ITFG1: variants seen among roughly 807,000 people sequenced by gnomAD.
ITFG1 encodes the protein integrin alpha FG-GAP repeat containing 1.
In ITFG1, 34 loss-of-function variants were observed where a neutral mutation model predicts 81.8. The ratio of observed to expected loss-of-function variants is 0.42; its 90% CI spans 0.32 to 0.55. The LOEUF is 0.55. Among genes scored for constraint, ITFG1 ranks in the 20% least tolerant of loss-of-function variants. ITFG1 has a pLI of 0.17. For synonymous variants in ITFG1, 285 were observed against 270.6 expected (o/e 1.05, Z -0.52); for missense variants, 672 against 755.4 (o/e 0.89, Z 1.29).
intron 14 of ITFG1, among the ~76,000 whole-genome samples, chr16:47,215,115 T>C (rs1282199698): frequency 6.6e-6 from 1 of 152,190 alleles, no homozygotes; most frequent in African/African-American, 2.4e-5. Context: ...CAATGGGTAG[T>C]GAGTGACTCT....
At chr16:47,381,662 T>C (rs1968397731) in intron 6 of ITFG1, among the ~76,000 whole-genome samples, 1 of 152,198 alleles carries the variant, frequency 6.6e-6, no homozygotes, top group East Asian at 1.9e-4. Flanking sequence ...GGCCTAGTTA[T>C]ATTAGTGGAA....
intron 13 of ITFG1, among the ~76,000 whole-genome samples, chr16:47,222,184 G>A (rs1965699764): frequency 6.6e-6 from 1 of 151,344 alleles, no homozygotes. Flanking sequence ...ATGTTAGGGT[G>A]TCAATTTTGG....
chr16:47,459,144 C>G lies in ITFG1; in HGVS notation c.240G>C (p.Gln80His). Reference protein sequence around the residue: ...RNDLIVFLADQNAPYFKPKVK... With the variant: ...RNDLIVFLADHNAPYFKPKVK... ...CTTTGGGTTTAAAATAGGGTGCATT[C>G]TGGTCTGCCAAAAAGACGATTAAGT... The change falls in exon 2 of 18, where the codon CAG (glutamine) becomes CAC (histidine). Residue 80 changes from glutamine to histidine, a missense_variant. By Grantham distance (24) the Gln-to-His change is conservative (BLOSUM62 0). Transcript: ENST00000320640. 6.2e-7 allele frequency: 1 copy of G among 1,601,678 alleles called. No individual in the cohort carries two copies. Among genetic ancestry groups the G allele is most frequent in the Non-Finnish European group, 8.6e-7 (1 of 1,169,006 alleles).
At chr16:47,171,124 T>A (rs1289134177) in intron 14 of ITFG1, among the ~76,000 whole-genome samples, 1 of 149,350 alleles carries the variant, frequency 6.7e-6, no homozygotes, top group African/African-American at 2.5e-5. Flanking sequence ...CTTGAACTCC[T>A]GGGCTTAAGC....
In ITFG1 at chr16:47,380,717, A is replaced by G. The variant is rs533138754; in HGVS notation, c.656-4777T>C. On this transcript the variant is annotated intron_variant, in intron 6 of 17. Transcript: ENST00000320640. ...CCCTTTCACCCTGGAAGTGGCAGCA[A>G]TTCATTTACAGGAACCATATATATT... 4.6e-5 allele frequency among the ~76,000 whole-genome samples: 7 copies of G among 152,260 alleles called. 1 individual carries two copies. In the South Asian group the frequency reaches 6.2e-4, roughly 14 times the overall value.
chr16:47,410,125 A>C (rs1034438668), intron 6 of ITFG1, among the ~76,000 whole-genome samples: 1 of 152,074 alleles, frequency 6.6e-6, no homozygotes, highest in Non-Finnish European at 1.5e-5. Flanking sequence ...AAATAAAAAG[A>C]AAAATTAGCC....
In ITFG1 at chr16:47,188,339, T is replaced by A. The variant is rs941856594; in HGVS notation, c.1454-25675A>T. 5.3e-5 allele frequency among the ~76,000 whole-genome samples: 8 copies of A among 151,968 alleles called. No individual in the cohort carries two copies. The East Asian group carries it at 5.8e-4, about 11-fold the overall frequency. On this transcript the variant is annotated intron_variant, in intron 14 of 17. Coordinates refer to ENST00000320640, the MANE Select transcript of ITFG1 (RefSeq NM_030790.5). ...GTATGTTTATTGCGGCATTATTCAC[T>A]ATAGCAAAGACTTGGAACCAACCCA...
chr16:47,459,094 T>G lies in ITFG1; in HGVS notation c.281+9A>C, dbSNP rs780689320. On this transcript the variant is annotated intron_variant, in intron 2 of 17. Transcript: ENST00000320640. ...AAAGTTTTATCAAAATAATCATATT[T>G]GTACTTACTTGAAAGATACCTTTAC... is the stretch of plus-strand genomic sequence containing the variant. 1.4e-6 allele frequency: 2 copies of G among 1,478,796 alleles called. No homozygotes were observed. The highest frequency in any genetic ancestry group is 1.9e-6 in the Non-Finnish European group (2 of 1,057,268). 91.6% of individuals were successfully genotyped at this position (1,478,796 alleles called of 1,614,324 possible).
chr16:47,238,188 CA>C, intron 12 of ITFG1, 180 bp from the exon 13 acceptor site: 1 of 496,930 alleles, frequency 2.0e-6, no homozygotes, highest in Non-Finnish European at 3.6e-6. Flanking sequence ...ACCAATATTT[CA>C]AAAGCCTTTA....
At chr16:47,396,055 G>C (rs1968588663) in intron 6 of ITFG1, 3 of 507,954 alleles carry the variant, frequency 5.9e-6, no homozygotes, top group Non-Finnish European at 7.6e-6. Flanking sequence ...GTTATCCAAA[G>C]GATATTCCTT....
At chr16:47,178,216 C>T (rs543344386) in intron 14 of ITFG1, among the ~76,000 whole-genome samples, 2 of 152,286 alleles carry the variant, frequency 1.3e-5, no homozygotes, top group Admixed American at 1.3e-4. Flanking sequence ...CTGGGCTCTG[C>T]CTGATGGTAA....
intron 6 of ITFG1, among the ~76,000 whole-genome samples, chr16:47,414,801 T>A (rs1287223993): frequency 6.6e-6 from 1 of 152,218 alleles, no homozygotes; most frequent in African/African-American, 2.4e-5. Flanking sequence ...ACCTTAATTA[T>A]ACTACTTTTA....
chr16:47,260,539 A>G lies in ITFG1; in HGVS notation c.1221+6T>C. 6.2e-7 allele frequency: 1 copy of G among 1,614,120 alleles called. No homozygotes were observed. Among genetic ancestry groups the G allele is most frequent in the Non-Finnish European group, 8.5e-7 (1 of 1,179,968 alleles). On this transcript the variant is annotated splice_donor_region_variant and intron_variant, in intron 11 of 17. Transcript: ENST00000320640. Reference sequence around the variant, plus strand: ...CTTCAAACACACAGCCCAGCTCTGAACTCACATCTTCGTAAATGTCAAAGA... The same window carrying G: ...CTTCAAACACACAGCCCAGCTCTGAGCTCACATCTTCGTAAATGTCAAAGA...
At position 47,451,382 on chromosome 16, in the gene ITFG1, C is replaced by A. The variant is rs371211295; in HGVS notation, c.560+14G>T. The A allele has an allele frequency of 3.6e-6, 5 of 1,381,210 alleles. No individual in the cohort carries two copies. The highest frequency in any genetic ancestry group is 2.9e-5 in the African/African-American group (2 of 69,528). The allele number at this position is 1,381,210 out of a possible 1,614,324, so 85.6% of individuals were successfully genotyped here. On this transcript the variant is annotated intron_variant, in intron 5 of 17. Coordinates refer to ENST00000320640, the MANE Select transcript of ITFG1 (RefSeq NM_030790.5). Reference sequence around the variant, plus strand: ...TATACGATTAATTACATAGTTATAACCATATTTACTCACCCTCCTAATAGT... The same window carrying A: ...TATACGATTAATTACATAGTTATAAACATATTTACTCACCCTCCTAATAGT...
chr16:47,262,047 G>A (rs1036761521), intron 10 of ITFG1, among the ~76,000 whole-genome samples: 1 of 152,218 alleles, frequency 6.6e-6, no homozygotes, highest in African/African-American at 2.4e-5. Context: ...GTGGCTCTGG[G>A]TGAGTTTGAT....
At chr16:47,194,111 T>C (rs1375815364) in intron 14 of ITFG1, among the ~76,000 whole-genome samples, 1 of 152,252 alleles carries the variant, frequency 6.6e-6, no homozygotes, top group Non-Finnish European at 1.5e-5. Context: ...TTTCCCATTA[T>C]GTTGACTTTG....
At chr16:47,282,887 T>C (rs1465274012) in intron 10 of ITFG1, among the ~76,000 whole-genome samples, 1 of 152,174 alleles carries the variant, frequency 6.6e-6, no homozygotes, top group East Asian at 1.9e-4. Context: ...TATGTCTTTG[T>C]CTGAAAAATG....
intron 14 of ITFG1, among the ~76,000 whole-genome samples, chr16:47,190,010 G>A (rs1261010163): frequency 1.3e-5 from 2 of 152,042 alleles, no homozygotes; most frequent in East Asian, 3.9e-4. Context: ...CTGAGGTTAT[G>A]TGCAATTATG....
intron 13 of ITFG1, among the ~76,000 whole-genome samples, chr16:47,219,463 T>C (rs1446911828): frequency 3.3e-5 from 5 of 152,154 alleles, no homozygotes; most frequent in Non-Finnish European, 1.5e-5. Flanking sequence ...TCAGTTACAA[T>C]GGTGAGGTCT....
Sources: allele counts gnomAD v4.1 joint callset (sites outside exome capture counted in the v4.1 genomes callset), GRCh38; gene constraint gnomAD v4.1.1; transcripts MANE v1.5; gene names NCBI Gene and HGNC (gene_info 2026-07-23, HGNC 2026-07-21).